Variants in MSRA observed in about 807,000 individuals in gnomAD.
MSRA encodes the protein mitochondrial peptide methionine sulfoxide reductase.
A neutral mutation model predicts 31.3 loss-of-function variants in MSRA; 54 were observed. That is an observed-to-expected ratio of 1.73 (90% CI 1.39 to 2.17). The LOEUF is 2.17. Among genes scored for constraint, MSRA ranks in the 30% most tolerant of loss-of-function variants. The pLI, the probability that MSRA is intolerant of heterozygous loss-of-function variation, is 0.00. For missense variants in MSRA, 507 were observed against 300.9 expected (o/e 1.69, Z -5.07); for synonymous variants, 169 against 116.5 (o/e 1.45, Z -2.90).
chr8:10,131,879 A>G (rs1484197515), intron 1 of MSRA, among the ~76,000 whole-genome samples: 2 of 152,240 alleles, frequency 1.3e-5, no homozygotes, highest in African/African-American at 4.8e-5. Flanking sequence ...CATTACAATA[A>G]CATCTCATAT....
chr8:10,377,468 C>G (rs1805820173), intron 5 of MSRA, among the ~76,000 whole-genome samples: 1 of 152,208 alleles, frequency 6.6e-6, no homozygotes, highest in Non-Finnish European at 1.5e-5. Context: ...GGCAGAGCTT[C>G]TCTTGTAGCC....
chr8:10,370,541 A>G (rs1805417076), intron 5 of MSRA, among the ~76,000 whole-genome samples: 1 of 152,222 alleles, frequency 6.6e-6, no homozygotes, highest in Non-Finnish European at 1.5e-5. Flanking sequence ...TCCAGCAATA[A>G]TTACTGGCAG....
At chr8:10,419,565 C>G (rs1808687528) in intron 5 of MSRA, among the ~76,000 whole-genome samples, 1 of 152,126 alleles carries the variant, frequency 6.6e-6, no homozygotes, top group African/African-American at 2.4e-5. Context: ...CCGTCTCTGC[C>G]CCATTAGAGG....
chr8:10,416,708 C>G (rs1808481893), intron 5 of MSRA, among the ~76,000 whole-genome samples: 1 of 152,222 alleles, frequency 6.6e-6, no homozygotes, highest in Non-Finnish European at 1.5e-5. Flanking sequence ...AAGAGCAGAG[C>G]TGCTTACACT....
chr8:10,260,491 G>C (rs1468162726), intron 3 of MSRA, among the ~76,000 whole-genome samples: 1 of 152,200 alleles, frequency 6.6e-6, no homozygotes, highest in East Asian at 1.9e-4. Flanking sequence ...ACGCAGAGTT[G>C]ACAGGCACAG....
At chr8:10,059,319 C>T (rs943876097) in intron 1 of MSRA, among the ~76,000 whole-genome samples, 1 of 152,106 alleles carries the variant, frequency 6.6e-6, no homozygotes, top group Admixed American at 6.5e-5. Context: ...GCATTTAATC[C>T]TTACGGTAAC....
chr8:10,112,436 C>T (rs760483654), intron 1 of MSRA, among the ~76,000 whole-genome samples: 10 of 152,162 alleles, frequency 6.6e-5, no homozygotes, highest in East Asian at 5.8e-4. Context: ...ACTAAAGTCA[C>T]GGCCAGTTAA....
chr8:10,342,760 G>C (rs1803510637), intron 5 of MSRA, among the ~76,000 whole-genome samples: 1 of 152,200 alleles, frequency 6.6e-6, no homozygotes, highest in African/African-American at 2.4e-5. Context: ...GCCAAGCTCA[G>C]TTAATAACCC....
intron 1 of MSRA, among the ~76,000 whole-genome samples, chr8:10,159,978 T>C (rs1804494883): frequency 6.6e-6 from 1 of 152,234 alleles, no homozygotes; most frequent in East Asian, 1.9e-4. Context: ...GAAGATACTT[T>C]TATAACATGA....
chr8:10,365,214 C>G (rs970070778), intron 5 of MSRA, among the ~76,000 whole-genome samples: 8 of 151,400 alleles, frequency 5.3e-5, no homozygotes, highest in African/African-American at 1.7e-4. Context: ...CTTTTTTCCC[C>G]TCTGAGCTCA....
chr8:10,088,139 C>T (rs1458799124), intron 1 of MSRA, among the ~76,000 whole-genome samples: 1 of 152,122 alleles, frequency 6.6e-6, no homozygotes, highest in Non-Finnish European at 1.5e-5. Flanking sequence ...GTTTCTTCTG[C>T]CACTCTCAAG....
chr8:10,266,250 G>A (rs1321648942), intron 3 of MSRA, among the ~76,000 whole-genome samples: 2 of 152,348 alleles, frequency 1.3e-5, no homozygotes, highest in Non-Finnish European at 1.5e-5. Flanking sequence ...TTGCTCATTA[G>A]CAGTTGGTAT....
intron 2 of MSRA, among the ~76,000 whole-genome samples, chr8:10,212,695 A>G (rs1037401273): frequency 3.9e-5 from 6 of 152,210 alleles, no homozygotes; most frequent in African/African-American, 7.2e-5. Flanking sequence ...CCAGGGATGT[A>G]GGGTAATGAA....
At chr8:10,078,591 A>G (rs1044961308) in intron 1 of MSRA, among the ~76,000 whole-genome samples, 1 of 152,202 alleles carries the variant, frequency 6.6e-6, no homozygotes, top group South Asian at 2.1e-4. Flanking sequence ...AAACTGTGAA[A>G]GTGTAGGGCT....
At chr8:10,366,886 CTG>C (rs1554541606) in intron 5 of MSRA, among the ~76,000 whole-genome samples, 2 of 152,134 alleles carry the variant, frequency 1.3e-5, no homozygotes, top group Non-Finnish European at 2.9e-5. Flanking sequence ...GCTGTTGCCT[CTG>C]TGAAAGCCAC....
intron 3 of MSRA, among the ~76,000 whole-genome samples, chr8:10,285,688 C>G (rs1419651393): frequency 2.0e-5 from 3 of 151,940 alleles, no homozygotes; most frequent in Non-Finnish European, 4.4e-5. Context: ...ACTCTACTCT[C>G]TACTTCTATA....
At chr8:10,238,833 CTTTA>C (rs1242207885) in intron 2 of MSRA, among the ~76,000 whole-genome samples, 2 of 152,082 alleles carry the variant, frequency 1.3e-5, no homozygotes, top group East Asian at 3.9e-4. Context: ...TTATCTTTAT[CTTTA>C]TATATGGATG....
chr8:10,075,159 A>T (rs556309491), intron 1 of MSRA, among the ~76,000 whole-genome samples: 5 of 152,142 alleles, frequency 3.3e-5, no homozygotes, highest in Non-Finnish European at 7.4e-5. Context: ...TTTCTGTATA[A>T]TGGCATTGCA....
At chr8:10,133,657 G>C (rs1158549415) in intron 1 of MSRA, among the ~76,000 whole-genome samples, 2 of 152,162 alleles carry the variant, frequency 1.3e-5, no homozygotes, top group Admixed American at 1.3e-4. Context: ...TTATTGTTAG[G>C]CTTAAAGGAC....
Sources: gnomAD v4.1 joint callset for allele counts (sites outside exome capture counted in the v4.1 genomes callset) on GRCh38, gnomAD v4.1.1 for gene constraint, MANE v1.5 for transcripts, NCBI Gene and HGNC (gene_info 2026-07-23, HGNC 2026-07-21) for gene names.